The following SLC22A7 variants were observed in gnomAD, a reference collection of about 807,000 sequenced individuals.
The protein encoded by SLC22A7 is solute carrier family 22 member 7, also known as hOAT2.
Under a neutral mutation model 62.2 loss-of-function variants are expected in SLC22A7, and 48 were observed. The ratio of observed to expected loss-of-function variants is 0.77; its 90% confidence interval spans 0.61 to 0.98. The LOEUF (loss-of-function observed/expected upper bound fraction) is 0.98. SLC22A7 is among the 50% of genes least tolerant of loss of function. SLC22A7 has a pLI of 0.00. For synonymous variants in SLC22A7, 276 were observed against 314.8 expected, an observed-to-expected ratio of 0.88 and a Z score of 1.30; for missense variants, 581 against 703.8, an observed-to-expected ratio of 0.83 and a Z score of 1.97.
At position 43,299,376 on chromosome 6, in the gene SLC22A7, G is replaced by C. The variant is rs558894282; in HGVS notation, c.400-14G>C. 2 of 1,613,996 alleles carry C rather than the reference G, an allele frequency of 1.2e-6. No individual in the cohort carries two copies. Among genetic ancestry groups the C allele is most frequent in the Non-Finnish European group, 1.7e-6 (2 of 1,179,844 alleles). ...TGATGTTCATAGGAGGTCCCTTTCTGCCTGTCCTTGCAGTGGGATCTGGTG... is the reference window on the plus strand; with the variant it reads ...TGATGTTCATAGGAGGTCCCTTTCTCCCTGTCCTTGCAGTGGGATCTGGTG... On this transcript the variant is annotated splice_polypyrimidine_tract_variant and intron_variant, in intron 2 of 10. Transcript: ENST00000372585. This position sits in a 1 kb window ranked among gnomAD's most constrained non-coding sequence, Gnocchi z 4.4.
chr6:43,298,643 G>A lies in SLC22A7; in HGVS notation c.285G>A (p.Gly95=). ...YPQALPNTTL[G]EERQSRGELE... is the part of the protein sequence containing the mutation. ...AGGCTCTCCCCAACACCACGTTGGG[G>A]GAAGAAAGGCAGAGCCGTGGGGAGC... Residue 95 remains glycine, a synonymous_variant, in exon 1 of 11, where the codon GGG becomes GGA. Transcript: ENST00000372585. The A allele has an allele frequency of 6.3e-7, 1 of 1,587,360 alleles. No homozygotes were observed. Among genetic ancestry groups the A allele is most frequent in the Non-Finnish European group, 8.6e-7 (1 of 1,164,688 alleles).
Position 43,302,510 on chromosome 6 carries a change from C to A in SLC22A7, c.1276+96C>A. ...CCCACCTCCTGGCCAAGAACCCACT[C>A]CTCCCCCAGATCCCTGCTCTTACCC... On this transcript the variant is annotated intron_variant, in intron 8 of 10. Coordinates refer to ENST00000372585, the MANE Select transcript of SLC22A7 (RefSeq NM_153320.2). The surrounding 1 kb of genome is among the most constrained non-coding windows in gnomAD (Gnocchi z 5.0). 8.0e-7 allele frequency: 1 copy of A among 1,243,702 alleles called. No individual in the cohort carries two copies. The highest frequency in any genetic ancestry group is 1.1e-6 in the Non-Finnish European group (1 of 898,094). 77.0% of individuals were successfully genotyped at this position (1,243,702 alleles called of 1,614,324 possible).
Position 43,299,060 on chromosome 6 carries a change from G to T in SLC22A7, c.394-32G>T. 1 of 1,563,000 alleles carries T rather than the reference G, an allele frequency of 6.4e-7. No homozygotes were observed. The highest frequency in any genetic ancestry group is 8.7e-7 in the Non-Finnish European group (1 of 1,153,174). On this transcript the variant is annotated intron_variant, in intron 1 of 10. Coordinates refer to ENST00000372585, the MANE Select transcript of SLC22A7 (RefSeq NM_153320.2). The surrounding 1 kb of genome is among the most constrained non-coding windows in gnomAD (Gnocchi z 4.4). ...TGCAGCAAGAGGTGGAGAAACAATAGAGGCCTTCTTTTCTCCCTTCCTCTT... is the reference window on the plus strand; with the variant it reads ...TGCAGCAAGAGGTGGAGAAACAATATAGGCCTTCTTTTCTCCCTTCCTCTT...
Position 43,298,457 on chromosome 6 carries a change from G to T in SLC22A7, c.99G>T (p.Leu33=). ...LLALPRVLLP[L]HFLLPIFLAA... The stretch of plus-strand genomic sequence containing the variant: ...CCCTGCCCCGAGTGCTGCTACCACT[G>T]CACTTCCTCCTGCCCATCTTCCTGG... Residue 33 remains leucine, a synonymous_variant, in exon 1 of 11, where the codon CTG becomes CTT. Transcript: ENST00000372585. 1 of 1,613,868 alleles carries T rather than the reference G, an allele frequency of 6.2e-7. No homozygotes were observed.
intron 9 of SLC22A7, chr6:43,303,279 G>A: frequency 2.8e-6 from 1 of 352,170 alleles, no homozygotes; most frequent in Non-Finnish European, 4.0e-6. Flanking sequence ...TGACCAACAT[G>A]GTGAAACCCT....
At chr6:43,304,317 C>A in intron 10 of SLC22A7, 73 bp downstream of exon 10, 2 of 1,282,666 alleles carry the variant, frequency 1.6e-6, no homozygotes, top group Non-Finnish European at 2.1e-6. Flanking sequence ...ATACCTGACA[C>A]CTTAGGATTC....
In SLC22A7 at chr6:43,304,706, T is replaced by C. The variant is rs755499196; in HGVS notation, c.1628T>C (p.Met543Thr). Residue 543 changes from methionine (M) to threonine (T), a missense_variant, in exon 11 of 11, where the codon ATG becomes ACG. Coordinates refer to ENST00000372585, the MANE Select transcript of SLC22A7 (RefSeq NM_153320.2). ...PTSLQEEEMP[M>T]KQVQN ...AGTCTTCAGGAGGAAGAGATGCCCA[T>C]GAAGCAGGTCCAGAACTAAGTGGGA... 1.3e-6 allele frequency: 2 copies of C among 1,594,970 alleles called. No individual in the cohort carries two copies. Among genetic ancestry groups the C allele is most frequent in the Non-Finnish European group, 1.7e-6 (2 of 1,167,660 alleles).
chr6:43,296,579 G>A (rs1469497595), upstream of SLC22A7, among the ~76,000 whole-genome samples: 1 of 152,242 alleles, frequency 6.6e-6, no homozygotes. Flanking sequence ...GAAGGGTGGA[G>A]GTGTCTCCCC....
chr6:43,303,502 G>T (rs4711743), intron 9 of SLC22A7, among the ~76,000 whole-genome samples: 35,203 of 146,866 alleles, frequency 0.24, 4,273 homozygotes, highest in East Asian at 0.33. Flanking sequence ...ATAATAATAA[G>T]AAGAAGAAAA....
chr6:43,303,466 A>G (rs1778826567), intron 9 of SLC22A7, among the ~76,000 whole-genome samples: 1 of 150,668 alleles, frequency 6.6e-6, no homozygotes, highest in Admixed American at 6.6e-5. Flanking sequence ...ATAAATACAT[A>G]AATAAAAGAA....
At chr6:43,303,527 C>T (rs1778832388) in intron 9 of SLC22A7, among the ~76,000 whole-genome samples, 1 of 151,586 alleles carries the variant, frequency 6.6e-6, no homozygotes, top group Non-Finnish European at 1.5e-5. Flanking sequence ...CCCAAGAAGC[C>T]CCATCCTGCC....
chr6:43,301,788 T>C lies in SLC22A7; in HGVS notation c.1061+96T>C, dbSNP rs894899534. 4.8e-6 allele frequency: 4 copies of C among 834,388 alleles called. No homozygotes were observed. The African/African-American group carries it at 6.7e-5, about 14-fold the overall frequency. The allele number at this position is 834,388 out of a possible 1,614,324, so 51.7% of individuals were successfully genotyped here. A position where few individuals can be genotyped will look rare whatever the true frequency, so the allele number is the denominator to read the frequency against. On this transcript the variant is annotated intron_variant, in intron 7 of 10. Transcript: ENST00000372585. ...TGTGAGAAGGGCTCTGAGGGACAAG[T>C]AGAGTGTCACTGTGGAGGGCAGGAG...
At position 43,299,486 on chromosome 6, in the gene SLC22A7, T is replaced by C; in HGVS notation, c.496T>C (p.Ser166Pro). 10 of 1,611,846 alleles carry C rather than the reference T, an allele frequency of 6.2e-6. No individual in the cohort carries two copies. The highest frequency in any genetic ancestry group is 8.5e-6 in the Non-Finnish European group (10 of 1,178,656). ...LVGAVAFGYL[S>P]DRFGRRRLLL... ...GGGGGCTGTGGCCTTTGGATATCTG[T>C]CCGACAGGTGGGGTGAGGCACTGGG... The change falls in exon 3 of 11, where the codon TCC becomes CCC. Residue 166 changes from serine to proline, a missense_variant. Physicochemically the swap from Ser to Pro is moderately conservative, Grantham distance 74. Transcript: ENST00000372585. This position sits in a 1 kb window ranked among gnomAD's most constrained non-coding sequence, Gnocchi z 4.4.
rs200536709 is a variant in SLC22A7 at position 43,298,632 on chromosome 6, A to G, written c.274A>G (p.Thr92Ala). ...RFAYPQALPN[T>A]TLGEERQSRG... ...TGCCTATCCCCAGGCTCTCCCCAACACCACGTTGGGGGAAGAAAGGCAGAG... is the reference window on the plus strand; with the variant it reads ...TGCCTATCCCCAGGCTCTCCCCAACGCCACGTTGGGGGAAGAAAGGCAGAG... The change falls in exon 1 of 11, where the codon ACC (threonine) becomes GCC (alanine). Residue 92 changes from threonine to alanine, a missense_variant. By Grantham distance (58) the Thr-to-Ala change is moderately conservative (BLOSUM62 0). Transcript: ENST00000372585. The G allele has an allele frequency of 8.2e-6, 13 of 1,593,340 alleles. No homozygotes were observed. The highest frequency in any genetic ancestry group is 1.0e-5 in the Non-Finnish European group (12 of 1,167,718).
chr6:43,302,328 T>C lies in SLC22A7; in HGVS notation c.1190T>C (p.Val397Ala). The C allele has an allele frequency of 6.2e-7, 1 of 1,613,630 alleles. No individual in the cohort carries two copies. Among genetic ancestry groups the C allele is most frequent in the South Asian group, 1.1e-5 (1 of 91,048 alleles). The part of the protein sequence containing the change: ...LPSKLLVYLS[V>A]RYAGRRLTQA... ...TCCAAGCTGCTGGTCTACTTGTCGG[T>C]GCGCTACGCAGGACGCCGCCTCACG... The change falls in exon 8 of 11, where the codon GTG (valine) becomes GCG (alanine). Residue 397 changes from valine (V) to alanine (A), a missense_variant. Val to Ala is a moderately conservative substitution (Grantham distance 64). Coordinates refer to ENST00000372585, the MANE Select transcript of SLC22A7 (RefSeq NM_153320.2). This position sits in a 1 kb window ranked among gnomAD's most constrained non-coding sequence, Gnocchi z 5.0.
chr6:43,295,938 T>G (rs1778558603), upstream of SLC22A7: 1 of 152,158 alleles, frequency 6.6e-6, no homozygotes, highest in South Asian at 2.1e-4. Context: ...AGAGTTCCAC[T>G]CCTGTTGCCC....
At chr6:43,301,401 T>C in intron 6 of SLC22A7, 143 bp downstream of exon 6, 1 of 1,282,286 alleles carries the variant, frequency 7.8e-7, no homozygotes, top group Non-Finnish European at 1.1e-6. Context: ...CTTTAGGATG[T>C]CCTACCTGGC....
chr6:43,296,071 A>T (rs1778560235), upstream of SLC22A7, among the ~76,000 whole-genome samples: 1 of 152,070 alleles, frequency 6.6e-6, no homozygotes, highest in Non-Finnish European at 1.5e-5. Context: ...ATGTCCAGCT[A>T]ATTTTTTGTA....
intron 9 of SLC22A7, 71 bp from the exon 10 acceptor site, chr6:43,303,954 CAGCCCTGGAGGGA>C: frequency 8.5e-7 from 1 of 1,170,448 alleles, no homozygotes; most frequent in Non-Finnish European, 1.2e-6. Flanking sequence ...CAGGGCCTGC[CAGCCCTGGAGGGA>C]AGCCCTGTGG....
Sources: allele counts gnomAD v4.1 joint callset (sites outside exome capture counted in the v4.1 genomes callset), GRCh38; gene constraint gnomAD v4.1.1; non-coding constraint Gnocchi (gnomAD v3.1); transcripts MANE v1.5; gene names NCBI Gene and HGNC (gene_info 2026-07-23, HGNC 2026-07-21).